The following DKK2 variants were observed in gnomAD, a reference collection of about 807,000 sequenced individuals.
DKK2 encodes dickkopf-related protein 2.
DKK2 carries 11 observed loss-of-function variants against 28.1 expected under a neutral mutation model. That is an observed-to-expected ratio of 0.39 (90% CI 0.25 to 0.65). The LOEUF (loss-of-function observed/expected upper bound fraction) is 0.65, where lower values mean the gene tolerates loss of function less well. DKK2 is among the 30% of genes least tolerant of loss of function. The pLI, the probability that DKK2 is intolerant of heterozygous loss-of-function variation, is 0.47. For missense variants in DKK2, 326 were observed against 335.5 expected, an observed-to-expected ratio of 0.97 and a Z score of 0.22; for synonymous variants, 135 against 126.5, an observed-to-expected ratio of 1.07 and a Z score of -0.45.
At chr4:107,030,054 T>C (rs1723852804) in intron 1 of DKK2, among the ~76,000 whole-genome samples, 1 of 152,060 alleles carries the variant, frequency 6.6e-6, no homozygotes, top group Non-Finnish European at 1.5e-5. Flanking sequence ...GTGGAATACA[T>C]GTTAGAGTAG....
At chr4:106,958,263 C>T (rs1016242716) in intron 1 of DKK2, among the ~76,000 whole-genome samples, 1 of 151,574 alleles carries the variant, frequency 6.6e-6, no homozygotes, top group Non-Finnish European at 1.5e-5. Flanking sequence ...TCAATCTTTT[C>T]TAAAAGGATT....
intron 1 of DKK2, among the ~76,000 whole-genome samples, chr4:106,942,575 G>A (rs1353415699): frequency 6.6e-6 from 1 of 151,974 alleles, no homozygotes; most frequent in Non-Finnish European, 1.5e-5. Flanking sequence ...AGCTGGGGAG[G>A]GAGAGTGAAA....
At chr4:106,946,353 C>A (rs1013718816) in intron 1 of DKK2, among the ~76,000 whole-genome samples, 1 of 151,926 alleles carries the variant, frequency 6.6e-6, no homozygotes, top group African/African-American at 2.4e-5. Context: ...AATATGATGT[C>A]CAGAATTCCT....
At chr4:107,015,754 A>G (rs745657238) in intron 1 of DKK2, among the ~76,000 whole-genome samples, 13 of 151,666 alleles carry the variant, frequency 8.6e-5, no homozygotes, top group African/African-American at 1.4e-4. Flanking sequence ...TTAATTTGTG[A>G]ATACCACAGT....
intron 1 of DKK2, among the ~76,000 whole-genome samples, chr4:106,947,648 T>A (rs1248975098): frequency 1.3e-5 from 2 of 151,930 alleles, no homozygotes; most frequent in Non-Finnish European, 1.5e-5. Context: ...TTTAAAAAAA[T>A]TGATTAATTA....
At chr4:106,992,362 A>T (rs1723217185) in intron 1 of DKK2, among the ~76,000 whole-genome samples, 1 of 152,142 alleles carries the variant, frequency 6.6e-6, no homozygotes, top group Non-Finnish European at 1.5e-5. Context: ...ACCCAAGTCC[A>T]TCTTCTCCAG....
At chr4:107,027,321 A>G (rs1723800686) in intron 1 of DKK2, among the ~76,000 whole-genome samples, 1 of 152,224 alleles carries the variant, frequency 6.6e-6, no homozygotes, top group African/African-American at 2.4e-5. Context: ...GTCCATTACC[A>G]GATAGAAACA....
chr4:107,015,419 T>C (rs908164693), intron 1 of DKK2, among the ~76,000 whole-genome samples: 2 of 151,612 alleles, frequency 1.3e-5, no homozygotes, highest in South Asian at 4.1e-4. Flanking sequence ...TGTAACTCCT[T>C]ATTGATTTAT....
chr4:107,019,246 G>T (rs1201696120), intron 1 of DKK2, among the ~76,000 whole-genome samples: 1 of 151,640 alleles, frequency 6.6e-6, no homozygotes, highest in Non-Finnish European at 1.5e-5. Flanking sequence ...AATTCAAGTG[G>T]TCTTCTCACT....
chr4:106,991,787 C>T (rs1723209023), intron 1 of DKK2, among the ~76,000 whole-genome samples: 1 of 152,092 alleles, frequency 6.6e-6, no homozygotes, highest in Non-Finnish European at 1.5e-5. Context: ...CTCTATTTTT[C>T]CAAACCTCAT....
chr4:106,981,190 C>T (rs973340518), intron 1 of DKK2, among the ~76,000 whole-genome samples: 2 of 151,554 alleles, frequency 1.3e-5, no homozygotes, highest in African/African-American at 4.9e-5. Context: ...AAATTGTGCC[C>T]TAAAGATACT....
At chr4:106,938,107 A>G (rs2110342536) in intron 1 of DKK2, among the ~76,000 whole-genome samples, 1 of 146,904 alleles carries the variant, frequency 6.8e-6, no homozygotes, top group East Asian at 2.0e-4. Flanking sequence ...AAGGCAAGAA[A>G]TAACTAAAAT....
chr4:106,940,310 A>G (rs1200729858), intron 1 of DKK2, among the ~76,000 whole-genome samples: 1 of 152,248 alleles, frequency 6.6e-6, no homozygotes, highest in East Asian at 1.9e-4. Flanking sequence ...ACATGAACAG[A>G]CACGTCTCAA....
intron 1 of DKK2, among the ~76,000 whole-genome samples, chr4:106,998,807 G>A (rs1723314675): frequency 6.6e-6 from 1 of 152,082 alleles, no homozygotes; most frequent in Admixed American, 6.5e-5. Context: ...GAATATATTA[G>A]GAAGATTACA....
At chr4:106,924,235 C>A in intron 3 of DKK2, 31 bp from the exon 4 acceptor site, 1 of 1,591,150 alleles carries the variant, frequency 6.3e-7, no homozygotes. Flanking sequence ...AGATGTTACC[C>A]TGACACTTCA....
chr4:106,971,587 T>A (rs1560583173), intron 1 of DKK2, among the ~76,000 whole-genome samples: 1 of 152,038 alleles, frequency 6.6e-6, no homozygotes, highest in Non-Finnish European at 1.5e-5. Context: ...CTAAACAAAG[T>A]CCCCCTACAT....
rs144551774 is a variant in DKK2, at chr4:106,956,080, A to T, written c.223-30131T>A. 4.1e-4 allele frequency among the ~76,000 whole-genome samples: 63 copies of T among 152,304 alleles called. No homozygotes were observed. The East Asian group carries it at 0.012, about 29-fold the overall frequency. On this transcript the variant is annotated intron_variant, in intron 1 of 3. Coordinates refer to ENST00000285311, the MANE Select transcript of DKK2 (RefSeq NM_014421.3). ...TTTCTGGTACACAGAAGATCAGTGG[A>T]TAATTATTGAATACATACAGTAATT...
chr4:107,018,523 C>T (rs914082229), intron 1 of DKK2, among the ~76,000 whole-genome samples: 8 of 152,028 alleles, frequency 5.3e-5, no homozygotes, highest in Non-Finnish European at 1.2e-4. Flanking sequence ...ATTGCTAGCT[C>T]CAGAAGAATT....
intron 1 of DKK2, among the ~76,000 whole-genome samples, chr4:106,983,380 G>GAAAGAAAGAAAGA (rs1560585877): frequency 8.1e-5 from 12 of 147,932 alleles, no homozygotes; most frequent in African/African-American, 2.8e-4. Flanking sequence ...AGAAAGAAAA[G>GAAAGAAAGAAAGA]AAAGAAAAGA....
Sources: allele counts gnomAD v4.1 joint callset (sites outside exome capture counted in the v4.1 genomes callset), GRCh38; gene constraint gnomAD v4.1.1; transcripts MANE v1.5; gene names NCBI Gene and HGNC (gene_info 2026-07-23, HGNC 2026-07-21).